Variants in TRAPPC8 observed in about 807,000 individuals in gnomAD.
TRAPPC8 encodes the protein trafficking protein particle complex subunit 8, also known as general sporulation gene 1 homolog.
TRAPPC8 carries 54 observed loss-of-function variants against 174.3 expected under a neutral mutation model. That is an observed-to-expected ratio of 0.31 (90% CI 0.25 to 0.39). The LOEUF is 0.39. TRAPPC8 is among the 10% of genes least tolerant of loss of function. The pLI is 1.00. For synonymous variants in TRAPPC8, 630 were observed against 579.9 expected (o/e 1.09, Z -1.24); for missense variants, 1,531 against 1,699.1 (o/e 0.90, Z 1.74).
At chr18:31,933,073 G>A (rs1361954451) in intron 1 of TRAPPC8, among the ~76,000 whole-genome samples, 4 of 150,080 alleles carry the variant, frequency 2.7e-5, no homozygotes, top group Non-Finnish European at 4.4e-5. Flanking sequence ...AGGCCAAGGC[G>A]GGCAGATCAC....
At chr18:31,916,522 G>A in intron 3 of TRAPPC8, 76 bp from the exon 4 acceptor site, 7 of 1,386,448 alleles carry the variant, frequency 5.0e-6, no homozygotes, top group Non-Finnish European at 6.7e-6. Context: ...ATAAACAGGA[G>A]GTTTTTGTTT....
rs948102664 is a variant in TRAPPC8, at chr18:31,829,283, T to A, written c.*1472A>T. 1.8e-4 allele frequency: 28 copies of A among 152,226 alleles called. No homozygotes were observed. The highest frequency in any genetic ancestry group is 6.5e-4 in the African/African-American group (27 of 41,450). The allele number at this position is 152,226 out of a possible 1,614,324, so 9.4% of individuals were successfully genotyped here. On this transcript the variant is annotated 3_prime_UTR_variant, in exon 29 of 29. Transcript: ENST00000283351. ...TTTTTTATTAGTGTCTGTTTAACAA[T>A]CGGTTCAATTTAATATTCAGCTGAG...
chr18:31,832,397 C>T, intron 27 of TRAPPC8: 1 of 191,824 alleles, frequency 5.2e-6, no homozygotes, highest in South Asian at 1.9e-4. Flanking sequence ...TATATACATT[C>T]ACAGAACTAT....
chr18:31,928,158 AAAAATAAAAT>A (rs200682708), intron 2 of TRAPPC8, among the ~76,000 whole-genome samples: 19 of 150,796 alleles, frequency 1.3e-4, no homozygotes, highest in South Asian at 1.0e-3. Context: ...TCCGACTAAA[AAAAATAAAAT>A]AAAATAAAAT....
At chr18:31,929,558 G>T (rs145999053) in intron 2 of TRAPPC8, among the ~76,000 whole-genome samples, 1 of 152,062 alleles carries the variant, frequency 6.6e-6, no homozygotes, top group African/African-American at 2.4e-5. Flanking sequence ...TGGCATAGTT[G>T]GTAGGCTGAG....
chr18:31,899,499 G>C (rs1380632454), intron 10 of TRAPPC8, among the ~76,000 whole-genome samples: 1 of 152,120 alleles, frequency 6.6e-6, no homozygotes, highest in African/African-American at 2.4e-5. Context: ...GGTCAAAATT[G>C]CCTCTATATC....
At chr18:31,880,124 TTTTTTTTTTTAAGGAAGA>T (rs1568083205) in intron 12 of TRAPPC8, among the ~76,000 whole-genome samples, 2 of 81,492 alleles carry the variant, frequency 2.5e-5, no homozygotes, top group African/African-American at 9.4e-5. Context: ...TATATATATT[TTTTTTTTTTTAAGGAAGA>T]AAGATTCCTC....
chr18:31,859,535 A>T (rs1204230382), intron 19 of TRAPPC8, among the ~76,000 whole-genome samples: 2 of 140,228 alleles, frequency 1.4e-5, no homozygotes, highest in African/African-American at 5.1e-5. Flanking sequence ...TGCATTAACA[A>T]AAAGTGAAAT....
intron 2 of TRAPPC8, among the ~76,000 whole-genome samples, chr18:31,930,844 T>C (rs547066127): frequency 2.6e-5 from 4 of 152,090 alleles, no homozygotes; most frequent in Non-Finnish European, 4.4e-5. Context: ...CTGGGGAACA[T>C]AATGAGACCC....
intron 19 of TRAPPC8, among the ~76,000 whole-genome samples, chr18:31,864,341 T>A (rs916694636): frequency 6.6e-6 from 1 of 151,970 alleles, no homozygotes; most frequent in African/African-American, 2.4e-5. Flanking sequence ...TTATAACTTA[T>A]GAAAAAGAGT....
chr18:31,832,406 A>G (rs2032426969), intron 27 of TRAPPC8: 1 of 182,716 alleles, frequency 5.5e-6, no homozygotes, highest in South Asian at 1.9e-4. Context: ...TCACAGAACT[A>G]TTTTATTTTC....
intron 14 of TRAPPC8, among the ~76,000 whole-genome samples, chr18:31,871,645 T>A (rs1238691584): frequency 1.3e-5 from 2 of 152,162 alleles, no homozygotes; most frequent in African/African-American, 4.8e-5. Context: ...AAAAAATGCA[T>A]AAAATTAGTT....
chr18:31,901,068 A>G (rs2036402204), intron 9 of TRAPPC8, 43 bp from the exon 10 acceptor site: 3 of 1,515,632 alleles, frequency 2.0e-6, no homozygotes, highest in Admixed American at 2.3e-5. Flanking sequence ...AAGAAGAAAC[A>G]GTCTTACAGT....
Position 31,852,483 on chromosome 18 carries a change from T to C in TRAPPC8, c.3524A>G (p.Lys1175Arg). 1 of 1,614,220 alleles carries C rather than the reference T, an allele frequency of 6.2e-7. No individual in the cohort carries two copies. Among genetic ancestry groups the C allele is most frequent in the African/African-American group, 1.3e-5 (1 of 75,066 alleles). The change falls in exon 24 of 29, where the codon AAA becomes AGA. Residue 1175 changes from lysine to arginine, a missense_variant. Transcript: ENST00000283351. Reference sequence around the variant, plus strand: ...AAAGATGATATCTGCAAAGGTATATTTTTCAGAGGACTGTGTGGCCGCTAA... The same window carrying C: ...AAAGATGATATCTGCAAAGGTATATCTTTCAGAGGACTGTGTGGCCGCTAA... ...KEEAATQSSE[K>R]YTFADIIFGN...
At chr18:31,929,192 A>G (rs1165661858) in intron 2 of TRAPPC8, among the ~76,000 whole-genome samples, 1 of 79,754 alleles carries the variant, frequency 1.3e-5, no homozygotes, top group African/African-American at 4.8e-5. Context: ...AAAAAAAGTG[A>G]AAAAAAAAAA....
intron 19 of TRAPPC8, among the ~76,000 whole-genome samples, chr18:31,860,992 T>C (rs900186700): frequency 6.6e-6 from 1 of 152,238 alleles, no homozygotes; most frequent in African/African-American, 2.4e-5. Flanking sequence ...ACTGTCTAGA[T>C]TCTCACTCTG....
intron 11 of TRAPPC8, among the ~76,000 whole-genome samples, chr18:31,894,904 T>A (rs1387150463): frequency 6.6e-6 from 1 of 152,200 alleles, no homozygotes; most frequent in Non-Finnish European, 1.5e-5. Context: ...AAGACCAGAA[T>A]AAGTGTTCAA....
chr18:31,867,125 A>G, intron 17 of TRAPPC8, 150 bp from the exon 18 acceptor site: 1 of 877,562 alleles, frequency 1.1e-6, no homozygotes, highest in Non-Finnish European at 1.7e-6. Context: ...TTCAAAAGAA[A>G]ATGTCTAAAT....
chr18:31,921,803 C>T (rs916145080), intron 2 of TRAPPC8, among the ~76,000 whole-genome samples: 1 of 152,034 alleles, frequency 6.6e-6, no homozygotes, highest in African/African-American at 2.4e-5. Flanking sequence ...CTGGGTTCTA[C>T]TCTTAGGATG....
Sources: gnomAD v4.1 joint callset for allele counts (sites outside exome capture counted in the v4.1 genomes callset) on GRCh38, gnomAD v4.1.1 for gene constraint, MANE v1.5 for transcripts, NCBI Gene and HGNC (gene_info 2026-07-23, HGNC 2026-07-21) for gene names.